FER: variants seen among roughly 807,000 people sequenced by gnomAD.
FER encodes the protein FER tyrosine kinase, also known as tyrosine-protein kinase Fer.
In FER, 63 loss-of-function variants were observed where a neutral mutation model predicts 111.0. The ratio of observed to expected loss-of-function variants is 0.57; its 90% CI spans 0.46 to 0.70. The LOEUF (loss-of-function observed/expected upper bound fraction) is 0.70. Ranked by LOEUF, FER falls within the 30% of genes least tolerant of loss-of-function variation. FER has a pLI of 0.00. For synonymous variants in FER, 327 were observed against 313.9 expected, an observed-to-expected ratio of 1.04 and a Z score of -0.44; for missense variants, 914 against 954.0, an observed-to-expected ratio of 0.96 and a Z score of 0.55.
chr5:108,876,852 C>T (rs575116782), intron 8 of FER, among the ~76,000 whole-genome samples: 111 of 152,254 alleles, frequency 7.3e-4, no homozygotes, highest in African/African-American at 2.5e-3. Flanking sequence ...TTATGGCCAT[C>T]AAAAAATTTT....
At chr5:109,060,916 A>C in intron 16 of FER, among the ~76,000 whole-genome samples, 1 of 152,072 alleles carries the variant, frequency 6.6e-6, no homozygotes, top group East Asian at 1.9e-4. Context: ...AGAGGAAAAA[A>C]ATGGCTAATT....
intron 17 of FER, among the ~76,000 whole-genome samples, chr5:109,172,108 A>G (rs963509963): frequency 1.3e-5 from 2 of 152,158 alleles, no homozygotes; most frequent in African/African-American, 2.4e-5. Context: ...TAGAAATACC[A>G]TTTGACCCAG....
intron 13 of FER, among the ~76,000 whole-genome samples, chr5:109,035,566 T>C (rs1399717963): frequency 1.3e-5 from 2 of 152,228 alleles, no homozygotes; most frequent in African/African-American, 4.8e-5. Context: ...TTTCTAGTTT[T>C]TGGCTATTAC....
chr5:108,825,014 G>A (rs924327064), intron 3 of FER, among the ~76,000 whole-genome samples: 2 of 152,170 alleles, frequency 1.3e-5, no homozygotes, highest in South Asian at 2.1e-4. Flanking sequence ...GTGCGAATAG[G>A]TGTGGGTGAC....
intron 17 of FER, among the ~76,000 whole-genome samples, chr5:109,123,033 C>G (rs191895214): frequency 1.2e-4 from 18 of 151,798 alleles, no homozygotes; most frequent in Non-Finnish European, 2.5e-4. Context: ...CCACTCTATA[C>G]GTTTTGATTG....
At chr5:109,052,885 C>T (rs114989638) in intron 16 of FER, among the ~76,000 whole-genome samples, 3,960 of 152,226 alleles carry the variant, frequency 0.026, 86 homozygotes, top group Non-Finnish European at 0.042. Context: ...AATCTCAAAT[C>T]TTATTAGTGA....
At chr5:109,020,365 C>T (rs1348813093) in intron 13 of FER, among the ~76,000 whole-genome samples, 3 of 151,816 alleles carry the variant, frequency 2.0e-5, no homozygotes, top group Non-Finnish European at 2.9e-5. Flanking sequence ...TGGTCTCTAC[C>T]ACAGTTCTAG....
intron 2 of FER, among the ~76,000 whole-genome samples, chr5:108,793,519 C>CGGAG (rs1554065855): frequency 9.7e-5 from 10 of 103,156 alleles, no homozygotes; most frequent in African/African-American, 3.5e-4. Context: ...TTTGGCGGGG[C>CGGAG]GGGGGGGGTG....
intron 5 of FER, among the ~76,000 whole-genome samples, chr5:108,845,240 T>TG: frequency 6.6e-6 from 1 of 151,300 alleles, no homozygotes; most frequent in South Asian, 2.1e-4. Context: ...GGCACCATCT[T>TG]GGGTCACTGT....
intron 13 of FER, among the ~76,000 whole-genome samples, chr5:109,022,250 A>G (rs1768032307): frequency 6.6e-6 from 1 of 152,004 alleles, no homozygotes; most frequent in Admixed American, 6.6e-5. Context: ...AGGGAAGTCC[A>G]TTGTCTCAAG....
At chr5:108,860,733 A>G (rs191259447) in intron 5 of FER, among the ~76,000 whole-genome samples, 81 of 152,374 alleles carry the variant, frequency 5.3e-4, no homozygotes, top group South Asian at 1.0e-3. Context: ...TGAGCAGCGT[A>G]TTAGTCTGTT....
At chr5:108,831,716 T>TATAA (rs1760065221) in intron 3 of FER, among the ~76,000 whole-genome samples, 1 of 152,244 alleles carries the variant, frequency 6.6e-6, no homozygotes, top group South Asian at 2.1e-4. Flanking sequence ...AAGAATTTGC[T>TATAA]TTCTTTAGGC....
At chr5:109,024,832 A>G (rs889428880) in intron 13 of FER, among the ~76,000 whole-genome samples, 1 of 151,930 alleles carries the variant, frequency 6.6e-6, no homozygotes, top group South Asian at 2.1e-4. Flanking sequence ...TCAGCTTTCT[A>G]CATATGGCTA....
At chr5:108,990,576 T>C (rs564358815) in intron 13 of FER, among the ~76,000 whole-genome samples, 1 of 151,726 alleles carries the variant, frequency 6.6e-6, no homozygotes, top group African/African-American at 2.4e-5. Flanking sequence ...AGGAAATTGA[T>C]GAGAGGATAA....
At chr5:108,922,459 T>C (rs1412748664) in intron 10 of FER, among the ~76,000 whole-genome samples, 2 of 152,302 alleles carry the variant, frequency 1.3e-5, no homozygotes, top group East Asian at 1.9e-4. Context: ...CTCTCTGTGC[T>C]AGAACAAGTA....
chr5:108,759,252 C>CA (rs914347123), intron 1 of FER, among the ~76,000 whole-genome samples: 1 of 152,224 alleles, frequency 6.6e-6, no homozygotes, highest in Non-Finnish European at 1.5e-5. Flanking sequence ...ATAATTCAGG[C>CA]AAGTGCTTAA....
chr5:108,906,667 C>A (rs1750818656), intron 10 of FER, among the ~76,000 whole-genome samples: 1 of 151,598 alleles, frequency 6.6e-6, no homozygotes, highest in Admixed American at 6.6e-5. Flanking sequence ...AGTACATAAT[C>A]CCATTATTTT....
At position 108,967,759 on chromosome 5, in the gene FER, C is replaced by CAAAAAAAAAAAAAAAAAA. The variant is rs774855414; in HGVS notation, c.1656+8419_1656+8436dup. Among the ~76,000 whole-genome samples the CAAAAAAAAAAAAAAAAAA allele has an allele frequency of 6.4e-4, 22 of 34,450 alleles. 1 individual carries two copies. The highest frequency in any genetic ancestry group is 1.3e-3 in the South Asian group (1 of 794). The allele number at this position is 34,450 out of a possible 152,430, so 22.6% of individuals were successfully genotyped here. ...TGGGCGACAAAGCGAGACTCCGTCT[C>CAAAAAAAAAAAAAAAAAA]AAAAAAAAAAAAAAAAAAAAAAAAC... On this transcript the variant is annotated intron_variant, in intron 13 of 19. Coordinates refer to ENST00000281092, the MANE Select transcript of FER (RefSeq NM_005246.4).
intron 16 of FER, among the ~76,000 whole-genome samples, chr5:109,086,105 G>C (rs773460469): frequency 3.3e-5 from 5 of 151,598 alleles, no homozygotes; most frequent in Admixed American, 6.6e-5. Context: ...GTATATGATT[G>C]ATTCTATTTT....
Sources: allele counts gnomAD v4.1 joint callset (sites outside exome capture counted in the v4.1 genomes callset), GRCh38; gene constraint gnomAD v4.1.1; transcripts MANE v1.5; gene names NCBI Gene and HGNC (gene_info 2026-07-23, HGNC 2026-07-21).